The following VEPH1 variants were observed in gnomAD, a reference collection of about 807,000 sequenced individuals.
VEPH1 encodes the protein ventricular zone-expressed PH domain-containing protein homolog 1.
VEPH1 carries 80 observed loss-of-function variants against 85.2 expected under a neutral mutation model. The ratio of observed to expected loss-of-function variants is 0.94; its 90% CI spans 0.78 to 1.13. The LOEUF is 1.13. VEPH1 is among the 50% of genes most tolerant of loss of function. The probability of loss-of-function intolerance (pLI) is 0.00; values close to 1 mark genes in which losing one functional copy is unlikely to be tolerated. For missense variants in VEPH1, 955 were observed against 980.5 expected (o/e 0.97, Z 0.35); for synonymous variants, 297 against 348.0 (o/e 0.85, Z 1.63).
intron 12 of VEPH1, among the ~76,000 whole-genome samples, chr3:157,272,374 CTTTTCTTTCTTTCTTTCTTT>C (rs1258165775): frequency 1.1e-4 from 10 of 89,072 alleles, no homozygotes; most frequent in African/African-American, 3.9e-4. Flanking sequence ...CTTTCTCTTT[CTTTTCTTTCTTTCTTTCTTT>C]CTTTCTTTCT....
At chr3:157,347,333 T>A (rs1046708199) in intron 9 of VEPH1, among the ~76,000 whole-genome samples, 1 of 152,202 alleles carries the variant, frequency 6.6e-6, no homozygotes, top group Non-Finnish European at 1.5e-5. Flanking sequence ...AACTCATGTT[T>A]ATTTAAGCGT....
intron 4 of VEPH1, among the ~76,000 whole-genome samples, chr3:157,435,584 C>A (rs1477443751): frequency 6.6e-6 from 1 of 152,178 alleles, no homozygotes; most frequent in Non-Finnish European, 1.5e-5. Flanking sequence ...AGCTTTGCTT[C>A]CACATGGTCA....
At chr3:157,437,937 G>T in intron 4 of VEPH1, 1 of 1,527,800 alleles carries the variant, frequency 6.5e-7, no homozygotes, top group Non-Finnish European at 8.7e-7. Context: ...GCGGGGCCGG[G>T]ACCTCCCACT....
At chr3:157,406,488 C>A (rs1253657086) in intron 6 of VEPH1, among the ~76,000 whole-genome samples, 1 of 152,148 alleles carries the variant, frequency 6.6e-6, no homozygotes. Context: ...CACAGAAATG[C>A]AACCTGGGCA....
At chr3:157,380,906 A>T (rs1728684834) in intron 7 of VEPH1, among the ~76,000 whole-genome samples, 2 of 152,244 alleles carry the variant, frequency 1.3e-5, no homozygotes, top group Admixed American at 6.5e-5. Flanking sequence ...GTGCTATAAA[A>T]TATTACTTGC....
At chr3:157,335,978 G>A (rs1383580277) in intron 9 of VEPH1, among the ~76,000 whole-genome samples, 7 of 152,090 alleles carry the variant, frequency 4.6e-5, no homozygotes, top group East Asian at 1.9e-4. Flanking sequence ...TTCCTGGACC[G>A]AGACCCTGAC....
chr3:157,397,081 A>C (rs1730455028), intron 6 of VEPH1, among the ~76,000 whole-genome samples: 1 of 152,168 alleles, frequency 6.6e-6, no homozygotes, highest in Non-Finnish European at 1.5e-5. Flanking sequence ...TTTTACATTT[A>C]AGTCTTTAAT....
intron 9 of VEPH1, among the ~76,000 whole-genome samples, chr3:157,339,094 A>G (rs888477813): frequency 6.6e-6 from 1 of 152,152 alleles, no homozygotes; most frequent in Non-Finnish European, 1.5e-5. Flanking sequence ...CACCCTCTGC[A>G]CACTCTGAGT....
At chr3:157,387,727 A>G (rs552049292) in intron 6 of VEPH1, among the ~76,000 whole-genome samples, 5 of 152,310 alleles carry the variant, frequency 3.3e-5, no homozygotes, top group Middle Eastern at 3.4e-3. Context: ...CTGGCTGCAC[A>G]TTAGAATCCC....
At chr3:157,369,200 A>AAAAC (rs1387659604) in intron 7 of VEPH1, among the ~76,000 whole-genome samples, 2 of 148,480 alleles carry the variant, frequency 1.3e-5, no homozygotes, top group Non-Finnish European at 3.0e-5. Context: ...AAAAAAAAAA[A>AAAAC]AAAACCTCCT....
intron 11 of VEPH1, among the ~76,000 whole-genome samples, chr3:157,291,417 G>C (rs1356179361): frequency 6.6e-6 from 1 of 152,130 alleles, no homozygotes; most frequent in African/African-American, 2.4e-5. Flanking sequence ...AACAGCAAAA[G>C]AGACTTTAAA....
At chr3:157,345,020 A>C (rs1577393274) in intron 9 of VEPH1, among the ~76,000 whole-genome samples, 5 of 152,342 alleles carry the variant, frequency 3.3e-5, no homozygotes, top group African/African-American at 1.2e-4. Context: ...TTATACAAAA[A>C]TTAATTCAAG....
chr3:157,322,275 G>A (rs1357344363), intron 9 of VEPH1, among the ~76,000 whole-genome samples: 1 of 152,130 alleles, frequency 6.6e-6, no homozygotes, highest in African/African-American at 2.4e-5. Context: ...ACACATGGTA[G>A]CATGGGTCAG....
At chr3:157,417,761 A>G (rs1437097403) in intron 5 of VEPH1, among the ~76,000 whole-genome samples, 1 of 152,158 alleles carries the variant, frequency 6.6e-6, no homozygotes, top group East Asian at 1.9e-4. Context: ...ACCTGACACT[A>G]GGGTACAAGC....
chr3:157,415,727 A>G (rs1731867196), intron 5 of VEPH1, among the ~76,000 whole-genome samples: 1 of 152,094 alleles, frequency 6.6e-6, no homozygotes, highest in Non-Finnish European at 1.5e-5. Flanking sequence ...CACATCACAC[A>G]TCAATTATGA....
chr3:157,403,049 C>T (rs1416151151), intron 6 of VEPH1, among the ~76,000 whole-genome samples: 4 of 152,132 alleles, frequency 2.6e-5, no homozygotes, highest in African/African-American at 9.7e-5. Context: ...ATGAAGAAGG[C>T]TGAAATGTAA....
chr3:157,362,087 G>T (rs939667193), intron 9 of VEPH1, among the ~76,000 whole-genome samples: 5 of 152,012 alleles, frequency 3.3e-5, no homozygotes, highest in African/African-American at 4.8e-5. Context: ...CTGGAGTGCA[G>T]TGGTGCGATA....
rs1411108307 is a variant in VEPH1 at position 157,470,346 on chromosome 3, T to C, written c.322A>G (p.Ile108Val). 1 of 1,614,066 alleles carries C rather than the reference T, an allele frequency of 6.2e-7. No individual in the cohort carries two copies. Among genetic ancestry groups the C allele is most frequent in the Admixed American group, 1.7e-5 (1 of 60,010 alleles). ...GKDEDTPHAK[I>V]ASDIMSCILQ... ...ATGCAACTCATGATATCAGATGCGA[T>C]TTTTGCATGAGGAGTGTCTTCGTCT... Residue 108 changes from isoleucine (I) to valine (V), a missense_variant, in exon 3 of 14, where the codon ATC becomes GTC. Transcript: ENST00000362010.
chr3:157,379,779 C>T (rs754604838), intron 7 of VEPH1, among the ~76,000 whole-genome samples: 15 of 152,164 alleles, frequency 9.9e-5, no homozygotes, highest in Non-Finnish European at 5.9e-5. Context: ...CTTCCATTGC[C>T]TGTGATCTGA....
Sources: gnomAD v4.1 joint callset for allele counts (sites outside exome capture counted in the v4.1 genomes callset) on GRCh38, gnomAD v4.1.1 for gene constraint, MANE v1.5 for transcripts, NCBI Gene and HGNC (gene_info 2026-07-23, HGNC 2026-07-21) for gene names.